MAST4: variants seen among roughly 807,000 people sequenced by gnomAD.
MAST4 encodes the protein microtubule associated serine/threonine kinase family member 4, also known as microtubule-associated serine/threonine-protein kinase 4.
In MAST4, 89 loss-of-function variants were observed where a neutral mutation model predicts 162.7. The ratio of observed to expected loss-of-function variants is 0.55; its 90% CI spans 0.46 to 0.65. The LOEUF (loss-of-function observed/expected upper bound fraction) is 0.65. Among genes scored for constraint, MAST4 ranks in the 30% least tolerant of loss-of-function variants. The probability of loss-of-function intolerance (pLI) is 0.00; values close to 1 mark genes in which losing one functional copy is unlikely to be tolerated. For missense variants in MAST4, 3,153 were observed against 3,374.0 expected, an observed-to-expected ratio of 0.93 and a Z score of 1.62; for synonymous variants, 1,479 against 1,361.1, an observed-to-expected ratio of 1.09 and a Z score of -1.91.
At position 67,165,086 on chromosome 5, in the gene MAST4, C is replaced by A; in HGVS notation, c.5907C>A (p.Gly1969=). Reference sequence around the variant, plus strand: ...CTTCCCCCTCAAGGGAGAAGCCAGGCCTGAGGGAATCGTCTGAAAGAGGCC... The same window carrying A: ...CTTCCCCCTCAAGGGAGAAGCCAGGACTGAGGGAATCGTCTGAAAGAGGCC... ...PEASPSREKP[G]LRESSERGPP... The change falls in exon 29 of 29, where the codon GGC becomes GGA. Residue 1969 remains glycine (G), a synonymous_variant. Coordinates refer to ENST00000403625, the MANE Select transcript of MAST4 (RefSeq NM_001164664.2). 3.8e-6 allele frequency: 6 copies of A among 1,595,996 alleles called. No individual in the cohort carries two copies. The highest frequency in any genetic ancestry group is 5.1e-6 in the Non-Finnish European group (6 of 1,171,180).
intron 2 of MAST4, among the ~76,000 whole-genome samples, chr5:66,766,352 CATA>C (rs922271613): frequency 2.0e-5 from 3 of 151,992 alleles, no homozygotes; most frequent in African/African-American, 7.3e-5. Flanking sequence ...ATAACATGCA[CATA>C]ATAATAAGAA....
intron 1 of MAST4, among the ~76,000 whole-genome samples, chr5:66,604,524 G>A (rs981454640): frequency 1.3e-5 from 2 of 152,218 alleles, no homozygotes; most frequent in African/African-American, 4.8e-5. Context: ...TAATTTTAAT[G>A]TTCTTGGTTT....
At chr5:66,795,306 TCC>T (rs1755597238) in intron 3 of MAST4, among the ~76,000 whole-genome samples, 2 of 152,244 alleles carry the variant, frequency 1.3e-5, no homozygotes, top group Non-Finnish European at 2.9e-5. Flanking sequence ...ACTAAACTGT[TCC>T]CTTTATGTTA....
chr5:67,114,318 G>T, intron 12 of MAST4, 99 bp downstream of exon 12: 1 of 1,419,862 alleles, frequency 7.0e-7, no homozygotes, highest in Non-Finnish European at 9.5e-7. Flanking sequence ...TCATGTTTTG[G>T]CTCTATCTAT....
At position 66,609,071 on chromosome 5, in the gene MAST4, T is replaced by C. The variant is rs1346638578; in HGVS notation, c.363+12053T>C. ...CCTTAGATTTTTTTTTTTTTTTTTT[T>C]CCCTGTAAATCCTTGGATCAGTGGC... On this transcript the variant is annotated intron_variant, in intron 1 of 28. Coordinates refer to ENST00000403625, the MANE Select transcript of MAST4 (RefSeq NM_001164664.2). Among the ~76,000 whole-genome samples the C allele has an allele frequency of 6.4e-4, 94 of 147,014 alleles. 1 individual carries two copies. The highest frequency in any genetic ancestry group is 1.1e-3 in the African/African-American group (44 of 38,946).
intron 1 of MAST4, among the ~76,000 whole-genome samples, chr5:66,646,533 A>G (rs16895375): frequency 0.051 from 7,787 of 152,286 alleles, 219 homozygotes; most frequent in Admixed American, 0.1. Context: ...GTGATAAAGC[A>G]TAAACCTAAT....
chr5:66,831,849 C>T (rs920760801), intron 3 of MAST4, among the ~76,000 whole-genome samples: 1 of 152,134 alleles, frequency 6.6e-6, no homozygotes, highest in Admixed American at 6.5e-5. Context: ...TGGGCTTGGG[C>T]CGACCTTGTA....
chr5:66,762,120 C>T (rs752993492), intron 2 of MAST4, among the ~76,000 whole-genome samples: 4 of 152,162 alleles, frequency 2.6e-5, no homozygotes, highest in African/African-American at 7.2e-5. Context: ...AATAAATAGC[C>T]GGACTTGATT....
chr5:67,145,389 G>A lies in MAST4; in HGVS notation c.3094+10G>A, dbSNP rs1450132012. ...AGCTCCACCCTGTCAGGTAAGCCCCGGGCCATAGTGCCTGCTGTCCTCCTC... is the reference window on the plus strand; with the variant it reads ...AGCTCCACCCTGTCAGGTAAGCCCCAGGCCATAGTGCCTGCTGTCCTCCTC... On this transcript the variant is annotated intron_variant, in intron 23 of 28. Coordinates refer to ENST00000403625, the MANE Select transcript of MAST4 (RefSeq NM_001164664.2). 7 of 1,608,676 alleles carry A rather than the reference G, an allele frequency of 4.4e-6. No individual in the cohort carries two copies. Among genetic ancestry groups the A allele is most frequent in the South Asian group, 3.3e-5 (3 of 90,716 alleles).
At chr5:66,831,121 A>G (rs1757569222) in intron 3 of MAST4, among the ~76,000 whole-genome samples, 1 of 152,182 alleles carries the variant, frequency 6.6e-6, no homozygotes, top group African/African-American at 2.4e-5. Context: ...TCTAGGAGGA[A>G]CCCAATAAAT....
chr5:66,619,516 G>T (rs1426578177), intron 1 of MAST4, among the ~76,000 whole-genome samples: 1 of 151,996 alleles, frequency 6.6e-6, no homozygotes, highest in Non-Finnish European at 1.5e-5. Context: ...ATATACACGG[G>T]TACAGATGTG....
chr5:66,987,650 C>T (rs1475119678), intron 4 of MAST4, among the ~76,000 whole-genome samples: 3 of 151,760 alleles, frequency 2.0e-5, no homozygotes, highest in Non-Finnish European at 4.4e-5. Context: ...CTCCCTATAC[C>T]ACTGAGAAGT....
chr5:67,078,914 A>AAATATATATATAT lies in MAST4; in HGVS notation c.764-11248_764-11247insAATATATATATAT, dbSNP rs61003105. Among the ~76,000 whole-genome samples the AAATATATATATAT allele has an allele frequency of 5.3e-4, 21 of 39,672 alleles. 1 individual carries two copies. Among genetic ancestry groups the AAATATATATATAT allele is most frequent in the African/African-American group, 1.1e-3 (6 of 5,382 alleles). The allele number at this position is 39,672 out of a possible 152,430, so 26.0% of individuals were successfully genotyped here. On this transcript the variant is annotated intron_variant, in intron 5 of 28. Coordinates refer to ENST00000403625, the MANE Select transcript of MAST4 (RefSeq NM_001164664.2). Reference sequence around the variant, plus strand: ...TATATTTATATATTTTTATATAAATATATATATATATATATATATATATAT... The same window carrying AAATATATATATAT: ...TATATTTATATATTTTTATATAAATAAATATATATATATTATATATATATATATATATATATAT...
intron 1 of MAST4, among the ~76,000 whole-genome samples, chr5:66,632,180 G>T (rs1744834449): frequency 6.6e-6 from 1 of 152,288 alleles, no homozygotes; most frequent in Middle Eastern, 3.4e-3. Flanking sequence ...TCAGAATATG[G>T]TGCTATTGAT....
intron 24 of MAST4, 110 bp from the exon 25 acceptor site, chr5:67,152,527 T>C: frequency 1.3e-6 from 1 of 786,648 alleles, no homozygotes; most frequent in Non-Finnish European, 2.1e-6. Context: ...ACAAATGGAT[T>C]TGTGTTGTGA....
intron 3 of MAST4, among the ~76,000 whole-genome samples, chr5:66,858,786 T>C (rs979295726): frequency 6.6e-6 from 1 of 152,160 alleles, no homozygotes; most frequent in Non-Finnish European, 1.5e-5. Flanking sequence ...TTTCCTTCTA[T>C]GTATATGGTA....
intron 1 of MAST4, among the ~76,000 whole-genome samples, chr5:66,603,890 G>A (rs73764384): frequency 4.6e-5 from 7 of 152,134 alleles, no homozygotes; most frequent in African/African-American, 1.4e-4. Flanking sequence ...CCAGTATTTT[G>A]TCTGGCTTCT....
At chr5:67,027,438 ATACCTCCT>A (rs1254478279) in intron 4 of MAST4, among the ~76,000 whole-genome samples, 1 of 152,200 alleles carries the variant, frequency 6.6e-6, no homozygotes, top group African/African-American at 2.4e-5. Context: ...AGGGCTAATG[ATACCTCCT>A]GGTACAACTG....
chr5:66,861,266 G>A (rs1054479485), intron 3 of MAST4, among the ~76,000 whole-genome samples: 3 of 152,194 alleles, frequency 2.0e-5, no homozygotes, highest in East Asian at 1.9e-4. Context: ...AATCAATTAT[G>A]AGGAGTTTGT....
Sources: gnomAD v4.1 joint callset for allele counts (sites outside exome capture counted in the v4.1 genomes callset) on GRCh38, gnomAD v4.1.1 for gene constraint, MANE v1.5 for transcripts, NCBI Gene and HGNC (gene_info 2026-07-23, HGNC 2026-07-21) for gene names.